Variants in JCHAIN observed in about 807,000 individuals in gnomAD.
The protein encoded by JCHAIN is immunoglobulin J chain.
In JCHAIN, 5 loss-of-function variants were observed where a neutral mutation model predicts 11.1. The observed-to-expected ratio is 0.45, with a 90% CI of 0.24 to 0.95. The LOEUF is 0.95. Among genes scored for constraint, JCHAIN ranks in the 40% least tolerant of loss-of-function variants. The probability of loss-of-function intolerance (pLI) is 0.21; values close to 1 mark genes in which losing one functional copy is unlikely to be tolerated. For synonymous variants in JCHAIN, 51 were observed against 67.8 expected (o/e 0.75, Z 1.22); for missense variants, 165 against 192.7 (o/e 0.86, Z 0.85).
rs147057154 is a variant in JCHAIN at position 70,661,570 on chromosome 4, G to A, written c.188+522C>T. Among the ~76,000 whole-genome samples the A allele has an allele frequency of 4.7e-3, 718 of 152,212 alleles. 8 individuals carry two copies. Among genetic ancestry groups the A allele is most frequent in the African/African-American group, 0.016 (680 of 41,514 alleles). Reference sequence around the variant, plus strand: ...TCTGGGAGGCCAAGGCAGGAGGATCGCTTGAGCTCAGAAGTTCGAGAACAG... The same window carrying A: ...TCTGGGAGGCCAAGGCAGGAGGATCACTTGAGCTCAGAAGTTCGAGAACAG... On this transcript the variant is annotated intron_variant, in intron 2 of 3. Coordinates refer to ENST00000254801, the MANE Select transcript of JCHAIN (RefSeq NM_144646.4).
At chr4:70,659,548 T>TAAAAAAA (rs1739015020) in intron 2 of JCHAIN, among the ~76,000 whole-genome samples, 1 of 6,742 alleles carries the variant, frequency 1.5e-4, no homozygotes, top group Non-Finnish European at 3.7e-4. Context: ...AGACTCTGTC[T>TAAAAAAA]CAAAAAAAAA....
intron 2 of JCHAIN, 62 bp downstream of exon 2, chr4:70,662,029 GC>G: frequency 1.3e-6 from 2 of 1,510,612 alleles, no homozygotes; most frequent in African/African-American, 1.4e-5. Context: ...TTCAAACAAT[GC>G]TCAGTGTCAG....
chr4:70,657,235 C>A lies in JCHAIN; in HGVS notation c.245G>T (p.Arg82Ile), dbSNP rs775844392. ...ISDPTSPLRT[R>I]FVYHLSDLCK... ...CAGGTCAGACAAATGGTACACAAAT[C>A]TGGTTCTCAATGGTGAGGTGGGATC... The change falls in exon 3 of 4, where the codon AGA becomes ATA. Residue 82 changes from arginine (R) to isoleucine (I), a missense_variant. Arg to Ile is a moderately conservative substitution (Grantham distance 97). Coordinates refer to ENST00000254801, the MANE Select transcript of JCHAIN (RefSeq NM_144646.4). 1.2e-6 allele frequency: 2 copies of A among 1,600,700 alleles called. No individual in the cohort carries two copies. Among genetic ancestry groups the A allele is most frequent in the South Asian group, 2.2e-5 (2 of 90,620 alleles).
At position 70,656,170 on chromosome 4, in the gene JCHAIN, C is replaced by A; in HGVS notation, c.*159G>T. ...TTACCTAATAAAGATAACAATGTGA[C>A]TATTTTAATTATTTTGGTGGCAGGG... On this transcript the variant is annotated 3_prime_UTR_variant, in exon 4 of 4. Coordinates refer to ENST00000254801, the MANE Select transcript of JCHAIN (RefSeq NM_144646.4). The A allele has an allele frequency of 3.3e-6, 2 of 603,430 alleles. No homozygotes were observed. Among genetic ancestry groups the A allele is most frequent in the South Asian group, 4.2e-5 (2 of 47,372 alleles). 37.4% of individuals were successfully genotyped at this position (603,430 alleles called of 1,614,324 possible).
chr4:70,663,435 A>T (rs960471735), intron 1 of JCHAIN: 1 of 152,170 alleles, frequency 6.6e-6, no homozygotes, highest in Non-Finnish European at 1.5e-5. Flanking sequence ...ACCTCAAGTG[A>T]TCCACCTGCC....
chr4:70,656,627 T>C (rs1280444748), intron 3 of JCHAIN, 88 bp from the exon 4 acceptor site: 5 of 939,898 alleles, frequency 5.3e-6, no homozygotes, highest in African/African-American at 1.6e-5. Context: ...CAATTAGTTC[T>C]TGCAGCTCTG....
Position 70,656,270 on chromosome 4 carries a change from C to T in JCHAIN, c.*59G>A. 8.3e-7 allele frequency: 1 copy of T among 1,197,900 alleles called. No individual in the cohort carries two copies. Among genetic ancestry groups the T allele is most frequent in the Non-Finnish European group, 1.2e-6 (1 of 823,738 alleles). 74.2% of individuals were successfully genotyped at this position (1,197,900 alleles called of 1,614,324 possible). On this transcript the variant is annotated 3_prime_UTR_variant, in exon 4 of 4. Coordinates refer to ENST00000254801, the MANE Select transcript of JCHAIN (RefSeq NM_144646.4). ...CATTGGTAATAAATATGCTAACTTT[C>T]TGAATCAAAATGGAGAGCCTCTCAA...
Position 70,662,217 on chromosome 4 carries a change from T to A in JCHAIN, c.65-2A>T. ...GAACAATCCTTTCATCTTCTTGGGC[T>A]TGAAAGGTAAACGTATTAAAAAGAA... On this transcript the variant is annotated splice_acceptor_variant, in intron 1 of 3. Coordinates refer to ENST00000254801, the MANE Select transcript of JCHAIN (RefSeq NM_144646.4). LOFTEE classifies it high-confidence loss of function. 1.2e-6 allele frequency: 2 copies of A among 1,612,084 alleles called. No homozygotes were observed. Among genetic ancestry groups the A allele is most frequent in the Non-Finnish European group, 1.7e-6 (2 of 1,178,508 alleles).
At chr4:70,658,417 C>T (rs1738996054) in intron 2 of JCHAIN, among the ~76,000 whole-genome samples, 2 of 152,290 alleles carry the variant, frequency 1.3e-5, no homozygotes, top group East Asian at 3.9e-4. Flanking sequence ...TCCTAATATG[C>T]CCCTAACTCT....
At chr4:70,656,943 T>C (rs1271433666) in intron 3 of JCHAIN, among the ~76,000 whole-genome samples, 2 of 152,174 alleles carry the variant, frequency 1.3e-5, no homozygotes, top group African/African-American at 4.8e-5. Context: ...AATCCACTTA[T>C]TGAACTATTA....
At chr4:70,663,840 C>T (rs930729178) in intron 1 of JCHAIN, among the ~76,000 whole-genome samples, 7 of 150,588 alleles carry the variant, frequency 4.6e-5, no homozygotes, top group South Asian at 2.1e-4. Context: ...GGATTATGGG[C>T]GTGAGCCACC....
At chr4:70,665,102 A>G (rs1359517826) in intron 1 of JCHAIN, among the ~76,000 whole-genome samples, 1 of 152,212 alleles carries the variant, frequency 6.6e-6, no homozygotes, top group Non-Finnish European at 1.5e-5. Flanking sequence ...CAAACAAATA[A>G]GAAAATAGAT....
At chr4:70,662,977 A>G (rs1311693001) in intron 1 of JCHAIN, among the ~76,000 whole-genome samples, 1 of 152,062 alleles carries the variant, frequency 6.6e-6, no homozygotes, top group African/African-American at 2.4e-5. Flanking sequence ...AAGGAAAAAA[A>G]GAATTATTTT....
chr4:70,665,850 A>T, intron 1 of JCHAIN: 2 of 316,796 alleles, frequency 6.3e-6, no homozygotes, highest in Non-Finnish European at 1.3e-5. Flanking sequence ...AAAATTATTT[A>T]ATACTGTACC....
intron 1 of JCHAIN, chr4:70,665,800 AG>A (rs1263800207): frequency 1.5e-5 from 3 of 195,496 alleles, no homozygotes; most frequent in Non-Finnish European, 3.4e-5. Flanking sequence ...ACTCAGTGAT[AG>A]GAACAATCCA....
intron 2 of JCHAIN, among the ~76,000 whole-genome samples, chr4:70,659,549 C>CAAA (rs35627461): frequency 0.059 from 976 of 16,554 alleles, 392 homozygotes; most frequent in East Asian, 0.088. Flanking sequence ...GACTCTGTCT[C>CAAA]AAAAAAAAAA....
Position 70,656,119 on chromosome 4 carries a change from A to G in JCHAIN, c.*210T>C, listed in dbSNP as rs997806702. ...ATAATTGGAAGATTTTGATACTTAG[A>G]GTATGAACATATAATTAAGAAGTGA... On this transcript the variant is annotated 3_prime_UTR_variant, in exon 4 of 4. Transcript: ENST00000254801. 2 of 546,998 alleles carry G rather than the reference A, an allele frequency of 3.7e-6. No homozygotes were observed. The highest frequency in any genetic ancestry group is 1.9e-5 in the African/African-American group (1 of 52,772). 33.9% of individuals were successfully genotyped at this position (546,998 alleles called of 1,614,324 possible).
intron 2 of JCHAIN, among the ~76,000 whole-genome samples, chr4:70,660,172 T>C (rs536966624): frequency 2.0e-5 from 3 of 152,260 alleles, no homozygotes; most frequent in African/African-American, 7.2e-5. Flanking sequence ...ACTCCAGCTA[T>C]TCTATCCCTA....
intron 2 of JCHAIN, among the ~76,000 whole-genome samples, chr4:70,660,447 G>A (rs1187919135): frequency 1.4e-5 from 2 of 147,186 alleles, no homozygotes; most frequent in Non-Finnish European, 3.0e-5. Context: ...GCAATGGCAT[G>A]ATCTTGGCTG....
Sources: allele counts gnomAD v4.1 joint callset (sites outside exome capture counted in the v4.1 genomes callset), GRCh38; gene constraint gnomAD v4.1.1; transcripts MANE v1.5; gene names NCBI Gene and HGNC (gene_info 2026-07-23, HGNC 2026-07-21).